PRIMA1: variants seen among roughly 807,000 people sequenced by gnomAD.
PRIMA1 encodes proline rich membrane anchor 1, also known as proline-rich membrane anchor 1.
A neutral mutation model predicts 17.5 loss-of-function variants in PRIMA1; 7 were observed. That is an observed-to-expected ratio of 0.40 (90% confidence interval 0.23 to 0.75). The LOEUF (loss-of-function observed/expected upper bound fraction) is 0.75. PRIMA1 is among the 30% of genes least tolerant of loss of function. The pLI is 0.37. For missense variants in PRIMA1, 200 were observed against 201.8 expected (o/e 0.99, Z 0.05); for synonymous variants, 97 against 77.9 (o/e 1.25, Z -1.29).
chr14:93,751,208 A>C (rs1388894441), intron 3 of PRIMA1, among the ~76,000 whole-genome samples: 3 of 152,168 alleles, frequency 2.0e-5, no homozygotes, highest in African/African-American at 7.2e-5. Context: ...CAGGGTGGCT[A>C]TGCACAAGGT....
At chr14:93,751,989 A>G (rs2076262295) in intron 3 of PRIMA1, among the ~76,000 whole-genome samples, 3 of 152,170 alleles carry the variant, frequency 2.0e-5, no homozygotes, top group South Asian at 2.1e-4. Context: ...AATGGCTACT[A>G]TTTCGCACAG....
At chr14:93,722,074 G>A (rs2076042845) in intron 4 of PRIMA1, among the ~76,000 whole-genome samples, 6 of 100,378 alleles carry the variant, frequency 6.0e-5, no homozygotes, top group Non-Finnish European at 1.3e-4. Context: ...TGGGGTGATG[G>A]TGGTAGTGGT....
rs768853351 is a variant in PRIMA1, at chr14:93,721,470, C to G, written c.436G>C (p.Val146Leu). The G allele has an allele frequency of 2.5e-6, 4 of 1,613,594 alleles. No homozygotes were observed. In the African/African-American group the frequency reaches 5.3e-5, roughly 22 times the overall value. The part of the protein sequence containing the change: ...PMSASQSNKG[V>L]DVNNAVV The stretch of plus-strand genomic sequence containing the variant: ...CACACCACTGCGTTGTTCACGTCTA[C>G]TCCTTTGTTGCTCTGCGAAGCACTC... Residue 146 changes from valine (V) to leucine (L), a missense_variant, in exon 5 of 5, where the codon GTA becomes CTA. Physicochemically the swap from Val to Leu is conservative, Grantham distance 32 (BLOSUM62 1). Coordinates refer to ENST00000393140, the MANE Select transcript of PRIMA1 (RefSeq NM_178013.4).
At chr14:93,768,707 A>G (rs1884964317) in intron 3 of PRIMA1, among the ~76,000 whole-genome samples, 1 of 152,186 alleles carries the variant, frequency 6.6e-6, no homozygotes, top group Admixed American at 6.5e-5. Context: ...AGCTTTGATT[A>G]TTTGCTGGAC....
intron 4 of PRIMA1, among the ~76,000 whole-genome samples, chr14:93,728,798 G>A (rs752287076): frequency 5.9e-5 from 9 of 152,176 alleles, no homozygotes; most frequent in African/African-American, 1.2e-4. Context: ...CACGGTGCAC[G>A]GAGGCCTGGG....
intron 3 of PRIMA1, among the ~76,000 whole-genome samples, chr14:93,747,269 T>C (rs1222388541): frequency 6.6e-6 from 1 of 152,110 alleles, no homozygotes; most frequent in Non-Finnish European, 1.5e-5. Flanking sequence ...AGGTCAAGTG[T>C]GTCCACCGCA....
At chr14:93,748,587 C>G (rs1193763227) in intron 3 of PRIMA1, among the ~76,000 whole-genome samples, 1 of 152,130 alleles carries the variant, frequency 6.6e-6, no homozygotes, top group Non-Finnish European at 1.5e-5. Flanking sequence ...CTCTCTGCCC[C>G]CCTGGCTGGT....
chr14:93,747,883 AGAGT>A (rs1199187998), intron 3 of PRIMA1, among the ~76,000 whole-genome samples: 88 of 137,482 alleles, frequency 6.4e-4, no homozygotes, highest in Admixed American at 7.9e-4. Flanking sequence ...ACTGAGTGGG[AGAGT>A]GTGTGTATGA....
At chr14:93,774,381 ATGTG>A (rs1454807351) in intron 3 of PRIMA1, among the ~76,000 whole-genome samples, 2 of 152,184 alleles carry the variant, frequency 1.3e-5, no homozygotes, top group Non-Finnish European at 2.9e-5. Context: ...CTGCCTGGCC[ATGTG>A]AAGGACGCCC....
intron 4 of PRIMA1, among the ~76,000 whole-genome samples, chr14:93,733,027 G>A (rs115627611): frequency 6.6e-6 from 1 of 152,166 alleles, no homozygotes; most frequent in Non-Finnish European, 1.5e-5. Context: ...AGATAAAAAG[G>A]CTTGTTTACA....
intron 3 of PRIMA1, among the ~76,000 whole-genome samples, chr14:93,742,460 G>A (rs1351007540): frequency 1.3e-5 from 2 of 152,354 alleles, no homozygotes; most frequent in East Asian, 3.9e-4. Context: ...CGTGGCAAGT[G>A]CTGGGAAATA....
At chr14:93,770,555 G>T (rs760091224) in intron 3 of PRIMA1, among the ~76,000 whole-genome samples, 2 of 152,092 alleles carry the variant, frequency 1.3e-5, no homozygotes, top group Non-Finnish European at 2.9e-5. Flanking sequence ...ATTCCCTTTC[G>T]GTCAGCTCTC....
intron 3 of PRIMA1, among the ~76,000 whole-genome samples, chr14:93,762,017 G>T (rs1397479136): frequency 6.6e-6 from 1 of 152,134 alleles, no homozygotes; most frequent in Admixed American, 6.5e-5. Flanking sequence ...TCTGACTGTT[G>T]TTCTGTATCC....
Position 93,721,132 on chromosome 14 carries a change from C to T in PRIMA1, c.*312G>A, listed in dbSNP as rs145017673. On this transcript the variant is annotated 3_prime_UTR_variant, in exon 5 of 5. Coordinates refer to ENST00000393140, the MANE Select transcript of PRIMA1 (RefSeq NM_178013.4). Reference sequence around the variant, plus strand: ...ACAGATCCCTCTGGCTTCGCCAGTGCGCATGCTTTAGACAGCAGCTGGGGG... The same window carrying T: ...ACAGATCCCTCTGGCTTCGCCAGTGTGCATGCTTTAGACAGCAGCTGGGGG... 5.9e-3 allele frequency: 1,911 copies of T among 322,790 alleles called. 23 individuals are homozygous for T. The highest frequency in any genetic ancestry group is 0.029 in the African/African-American group (1,341 of 47,008). The allele number at this position is 322,790 out of a possible 1,614,324, so 20.0% of individuals were successfully genotyped here.
At chr14:93,787,599 A>G in intron 2 of PRIMA1, 27 bp downstream of exon 2, 1 of 1,538,818 alleles carries the variant, frequency 6.5e-7, no homozygotes, top group Non-Finnish European at 8.7e-7. Context: ...AGGCCCTCCC[A>G]GCCAGTGCGC....
chr14:93,736,943 T>C (rs534144376), intron 4 of PRIMA1, among the ~76,000 whole-genome samples: 31 of 152,246 alleles, frequency 2.0e-4, no homozygotes, highest in Non-Finnish European at 3.7e-4. Context: ...AATCAATTGC[T>C]TGTGGAATCA....
intron 3 of PRIMA1, among the ~76,000 whole-genome samples, chr14:93,759,222 G>C (rs2076311018): frequency 6.6e-6 from 1 of 152,164 alleles, no homozygotes; most frequent in Non-Finnish European, 1.5e-5. Flanking sequence ...TTGGCTTATG[G>C]GGAGGGACAG....
intron 4 of PRIMA1, 35 bp from the exon 5 acceptor site, chr14:93,721,581 G>A (rs767459990): frequency 2.9e-5 from 39 of 1,338,266 alleles, no homozygotes; most frequent in Non-Finnish European, 4.1e-5. Flanking sequence ...AAAGGCAAAG[G>A]AGGGGGAGGC....
rs945441509 is a variant in PRIMA1, at chr14:93,726,525, C to T, written c.360-4979G>A. Among the ~76,000 whole-genome samples the T allele has an allele frequency of 2.6e-5, 4 of 152,088 alleles. No homozygotes were observed. Among genetic ancestry groups the T allele is most frequent in the South Asian group, 2.1e-4 (1 of 4,816 alleles). ...TGAACCTGCGTAACACACACAGGCA[C>T]GTACACATAGACACATGTACACATG... On this transcript the variant is annotated intron_variant, in intron 4 of 4. Coordinates refer to ENST00000393140, the MANE Select transcript of PRIMA1 (RefSeq NM_178013.4). The surrounding 1 kb of genome is among the most constrained non-coding windows in gnomAD (Gnocchi z 4.2).
Sources: allele counts gnomAD v4.1 joint callset (sites outside exome capture counted in the v4.1 genomes callset), GRCh38; gene constraint gnomAD v4.1.1; non-coding constraint Gnocchi (gnomAD v3.1); transcripts MANE v1.5; gene names NCBI Gene and HGNC (gene_info 2026-07-23, HGNC 2026-07-21).